The following CDH13 variants were observed in gnomAD, a reference collection of about 807,000 sequenced individuals.
CDH13 encodes cadherin 13, also known as cadherin-13.
In CDH13, 24 loss-of-function variants were observed where a neutral mutation model predicts 63.8. That is an observed-to-expected ratio of 0.38 (90% CI 0.27 to 0.53). CDH13 has a LOEUF of 0.53. CDH13 is among the 20% of genes least tolerant of loss of function. The pLI is 0.85. For missense variants in CDH13, 1,049 were observed against 903.1 expected (o/e 1.16, Z -2.07); for synonymous variants, 503 against 355.3 (o/e 1.42, Z -4.67).
chr16:82,852,228 T>A (rs150569947), intron 1 of CDH13, among the ~76,000 whole-genome samples: 1 of 152,368 alleles, frequency 6.6e-6, no homozygotes, highest in East Asian at 1.9e-4. Flanking sequence ...GGGATATATC[T>A]GTGATGTCAG....
chr16:83,415,064 T>G (rs1268743941), intron 6 of CDH13, among the ~76,000 whole-genome samples: 1 of 150,868 alleles, frequency 6.6e-6, no homozygotes, highest in African/African-American at 2.4e-5. Context: ...TAAATAAAAT[T>G]AGAAATGAAA....
chr16:83,734,772 G>A (rs71404107), intron 10 of CDH13, among the ~76,000 whole-genome samples: 22,521 of 121,576 alleles, frequency 0.19, 1,789 homozygotes, highest in Middle Eastern at 0.29. Context: ...GGATTAAAGC[G>A]GGGCAAGGAA....
chr16:82,972,415 T>G (rs1392538741), intron 2 of CDH13, among the ~76,000 whole-genome samples: 1 of 152,172 alleles, frequency 6.6e-6, no homozygotes, highest in Admixed American at 6.5e-5. Context: ...AGTCCCATTT[T>G]GAAAGTCACA....
intron 4 of CDH13, among the ~76,000 whole-genome samples, chr16:83,194,293 C>G (rs1195913253): frequency 1.3e-5 from 2 of 152,212 alleles, no homozygotes; most frequent in African/African-American, 4.8e-5. Context: ...GCTTTTAGGA[C>G]TCACAATGCA....
chr16:82,686,875 G>C (rs976140253), intron 1 of CDH13, among the ~76,000 whole-genome samples: 1 of 152,198 alleles, frequency 6.6e-6, no homozygotes, highest in South Asian at 2.1e-4. Context: ...TCTTACTCAA[G>C]CTACAACAGG....
chr16:83,449,745 G>GA (rs2072829704), intron 6 of CDH13, among the ~76,000 whole-genome samples: 1 of 152,100 alleles, frequency 6.6e-6, no homozygotes, highest in Non-Finnish European at 1.5e-5. Context: ...TGTCATCTTG[G>GA]ACAAATCCTT....
intron 10 of CDH13, among the ~76,000 whole-genome samples, chr16:83,684,059 C>G (rs1904279741): frequency 6.6e-6 from 1 of 152,148 alleles, no homozygotes; most frequent in South Asian, 2.1e-4. Context: ...ACTTATGTAA[C>G]TGAACTTGTT....
At chr16:82,843,851 C>T (rs937732438) in intron 1 of CDH13, among the ~76,000 whole-genome samples, 4 of 152,198 alleles carry the variant, frequency 2.6e-5, no homozygotes, top group Non-Finnish European at 5.9e-5. Flanking sequence ...TCAATTGACA[C>T]AACACCAGGC....
At chr16:83,015,723 A>ATATATATATATATATATATATAT (rs1293160001) in intron 2 of CDH13, among the ~76,000 whole-genome samples, 1 of 125,702 alleles carries the variant, frequency 8.0e-6, no homozygotes, top group Non-Finnish European at 1.7e-5. Context: ...ATATATATAT[A>ATATATATATATATATATATATAT]AAGAAAAAGC....
chr16:83,250,764 A>G lies in CDH13; in HGVS notation c.636+33267A>G, dbSNP rs977640714. On this transcript the variant is annotated intron_variant, in intron 5 of 13. Coordinates refer to ENST00000567109, the MANE Select transcript of CDH13 (RefSeq NM_001257.5). Reference sequence around the variant, plus strand: ...GAGTTGGGATTTATTCTAAGTGCACATAGGAAGCACTGTAGAATTCCAGGC... The same window carrying G: ...GAGTTGGGATTTATTCTAAGTGCACGTAGGAAGCACTGTAGAATTCCAGGC... Among the ~76,000 whole-genome samples, 9 of 152,294 alleles carry G rather than the reference A, an allele frequency of 5.9e-5. No homozygotes were observed. The South Asian group carries it at 6.2e-4, about 11-fold the overall frequency.
At chr16:83,313,780 G>T (rs960200187) in intron 5 of CDH13, among the ~76,000 whole-genome samples, 3 of 151,898 alleles carry the variant, frequency 2.0e-5, no homozygotes, top group Admixed American at 6.6e-5. Context: ...TTAAACAATA[G>T]TGTCTGGAAT....
At chr16:83,552,793 G>A (rs113352347) in intron 7 of CDH13, among the ~76,000 whole-genome samples, 2,930 of 152,280 alleles carry the variant, frequency 0.019, 106 homozygotes, top group African/African-American at 0.067. Flanking sequence ...TCAAAGACGT[G>A]GTTATTGGCT....
At chr16:83,042,826 T>G (rs1245645746) in intron 3 of CDH13, among the ~76,000 whole-genome samples, 1 of 152,200 alleles carries the variant, frequency 6.6e-6, no homozygotes, top group Non-Finnish European at 1.5e-5. Context: ...ATGAAATATG[T>G]TTTACAACAA....
intron 1 of CDH13, among the ~76,000 whole-genome samples, chr16:82,776,841 T>A (rs1362242681): frequency 6.6e-6 from 1 of 152,168 alleles, no homozygotes; most frequent in African/African-American, 2.4e-5. Context: ...GAACAAGGTG[T>A]CCCAGCATTT....
chr16:83,747,277 G>A (rs898896663), intron 10 of CDH13, among the ~76,000 whole-genome samples: 1 of 152,128 alleles, frequency 6.6e-6, no homozygotes, highest in Non-Finnish European at 1.5e-5. Context: ...GGGACCCTGT[G>A]GGAGGTAATC....
chr16:83,438,201 G>T (rs1209824360), intron 6 of CDH13, among the ~76,000 whole-genome samples: 1 of 152,232 alleles, frequency 6.6e-6, no homozygotes, highest in Non-Finnish European at 1.5e-5. Context: ...TGTCTGCAAA[G>T]CTATTCTGGA....
intron 5 of CDH13, among the ~76,000 whole-genome samples, chr16:83,303,332 G>T (rs767136495): frequency 6.6e-6 from 1 of 152,192 alleles, no homozygotes. Context: ...TAACCCAGTA[G>T]GTCCAGATGC....
At chr16:83,024,582 A>G (rs1043292168) in intron 2 of CDH13, among the ~76,000 whole-genome samples, 4 of 152,140 alleles carry the variant, frequency 2.6e-5, no homozygotes, top group African/African-American at 7.2e-5. Flanking sequence ...AACTCATGCA[A>G]CCTCACTAAG....
chr16:82,791,034 G>C (rs555475925), intron 1 of CDH13, among the ~76,000 whole-genome samples: 16 of 152,244 alleles, frequency 1.1e-4, no homozygotes, highest in African/African-American at 3.9e-4. Flanking sequence ...TCAGGAGATC[G>C]AGACCATCCT....
Sources: allele counts gnomAD v4.1 joint callset (sites outside exome capture counted in the v4.1 genomes callset), GRCh38; gene constraint gnomAD v4.1.1; transcripts MANE v1.5; gene names NCBI Gene and HGNC (gene_info 2026-07-23, HGNC 2026-07-21).